The following DACH2 variants were observed in gnomAD, a reference collection of about 807,000 sequenced individuals.
The protein encoded by DACH2 is dachshund homolog 2.
A neutral mutation model predicts 35.8 loss-of-function variants in DACH2; 17 were observed. The observed-to-expected ratio is 0.48, with a 90% CI of 0.33 to 0.71. The LOEUF (loss-of-function observed/expected upper bound fraction) is 0.71, where lower values mean the gene tolerates loss of function less well. Among genes scored for constraint, DACH2 ranks in the 30% least tolerant of loss-of-function variants. The pLI is 0.02. For missense variants in DACH2, 469 were observed against 472.7 expected (o/e 0.99, Z 0.07); for synonymous variants, 195 against 177.3 (o/e 1.10, Z -0.79).
intron 1 of DACH2, among the ~76,000 whole-genome samples, chrX:86,343,525 A>G (rs767020722): frequency 7.3e-4 from 81 of 111,277 alleles, no homozygotes; most frequent in Admixed American, 4.7e-3. Context: ...AGAAATATTT[A>G]CTTTTTAAAG....
chrX:86,566,571 T>C (rs902997390), intron 3 of DACH2, among the ~76,000 whole-genome samples: 4 of 111,711 alleles, frequency 3.6e-5, no homozygotes, highest in Non-Finnish European at 7.6e-5. Flanking sequence ...AGGAGCATCA[T>C]ACATTATACT....
intron 2 of DACH2, among the ~76,000 whole-genome samples, chrX:86,485,577 T>A (rs2038007136): frequency 8.9e-6 from 1 of 111,889 alleles, no homozygotes; most frequent in Non-Finnish European, 1.9e-5. Context: ...TACTCTTATA[T>A]GATCATTACA....
At chrX:86,686,863 A>G (rs1343180887) in intron 4 of DACH2, among the ~76,000 whole-genome samples, 1 of 112,192 alleles carries the variant, frequency 8.9e-6, no homozygotes, top group East Asian at 2.8e-4. Context: ...TTGAAACTCA[A>G]TAATGTGATG....
chrX:86,203,795 T>A (rs749727090), intron 1 of DACH2, among the ~76,000 whole-genome samples: 1 of 111,701 alleles, frequency 9.0e-6, no homozygotes, highest in African/African-American at 3.2e-5. Flanking sequence ...TGAGGATAAA[T>A]ACATTTGTAA....
intron 3 of DACH2, among the ~76,000 whole-genome samples, chrX:86,602,654 T>C (rs750344772): frequency 8.9e-6 from 1 of 112,129 alleles, no homozygotes; most frequent in Non-Finnish European, 1.9e-5. Context: ...CTTTGGTACA[T>C]GTCTGTCGAG....
chrX:86,444,926 T>A (rs1048705950), intron 2 of DACH2, among the ~76,000 whole-genome samples: 4 of 111,325 alleles, frequency 3.6e-5, no homozygotes, highest in African/African-American at 1.3e-4. Context: ...AAAACAAGTT[T>A]AAAAAATAGA....
At chrX:86,766,853 C>A (rs1342646175) in intron 7 of DACH2, among the ~76,000 whole-genome samples, 1 of 109,903 alleles carries the variant, frequency 9.1e-6, no homozygotes, top group African/African-American at 3.3e-5. Context: ...ATTTTTTTTT[C>A]TTTTTCCTAG....
chrX:86,776,820 G>A (rs2042037419), intron 7 of DACH2, among the ~76,000 whole-genome samples: 2 of 111,203 alleles, frequency 1.8e-5, no homozygotes, highest in African/African-American at 6.6e-5. Flanking sequence ...TCCCACCTAT[G>A]AGTGAGAACA....
At chrX:86,186,333 T>A (rs187929719) in intron 1 of DACH2, among the ~76,000 whole-genome samples, 1 of 112,864 alleles carries the variant, frequency 8.9e-6, no homozygotes, top group African/African-American at 3.2e-5. Flanking sequence ...TCAGATCTAC[T>A]TTCATCAGAC....
At chrX:86,335,709 C>A (rs1446210215) in intron 1 of DACH2, among the ~76,000 whole-genome samples, 1 of 111,748 alleles carries the variant, frequency 8.9e-6, no homozygotes, top group Non-Finnish European at 1.9e-5. Flanking sequence ...GACAATTTGA[C>A]TTCCTCTCTT....
At position 86,766,629 on chromosome X, in the gene DACH2, C is replaced by T. The variant is rs139723021; in HGVS notation, c.1240+26747C>T. On this transcript the variant is annotated intron_variant, in intron 7 of 11. Coordinates refer to ENST00000373125, the MANE Select transcript of DACH2 (RefSeq NM_053281.3). ...CACCACATTTATGTTTGATACATTG[C>T]CATTTCATTCTTGCTATTGACTAAG... 3.6e-3 allele frequency among the ~76,000 whole-genome samples: 405 copies of T among 112,089 alleles called. 2 individuals carry two copies. The highest frequency in any genetic ancestry group is 0.013 in the African/African-American group (394 of 30,927).
chrX:86,316,324 G>A (rs961564884), intron 1 of DACH2, among the ~76,000 whole-genome samples: 1 of 109,918 alleles, frequency 9.1e-6, no homozygotes, highest in Admixed American at 9.8e-5. Flanking sequence ...TGTTTTTCCT[G>A]GGGCTCATTG....
At chrX:86,233,900 T>C (rs2033002159) in intron 1 of DACH2, among the ~76,000 whole-genome samples, 1 of 111,781 alleles carries the variant, frequency 8.9e-6, no homozygotes, top group Non-Finnish European at 1.9e-5. Flanking sequence ...CCCCTGTGAC[T>C]CAAATAATCT....
In DACH2 at chrX:86,460,780, A is replaced by T. The variant is rs979927640; in HGVS notation, c.528-53499A>T. On this transcript the variant is annotated intron_variant, in intron 2 of 11. Coordinates refer to ENST00000373125, the MANE Select transcript of DACH2 (RefSeq NM_053281.3). ...CAAGGAAACTTACAAGTGGGACTAG[A>T]ATAGTGTCACAATCTGAAAAACTGT... Among the ~76,000 whole-genome samples, 32 of 111,017 alleles carry T rather than the reference A, an allele frequency of 2.9e-4. 1 individual carries two copies. The highest frequency in any genetic ancestry group is 7.6e-5 in the Non-Finnish European group (4 of 52,712).
At chrX:86,784,704 A>G (rs979024894) in intron 7 of DACH2, among the ~76,000 whole-genome samples, 1 of 112,042 alleles carries the variant, frequency 8.9e-6, no homozygotes, top group Non-Finnish European at 1.9e-5. Context: ...GACTTTCACA[A>G]TAGCAAAGAC....
At chrX:86,533,086 G>T (rs62594995) in intron 3 of DACH2, among the ~76,000 whole-genome samples, 5,386 of 110,337 alleles carry the variant, frequency 0.049, 119 homozygotes, top group Middle Eastern at 0.1. Context: ...GTCTCACTCT[G>T]TTGCCCAGGC....
intron 4 of DACH2, among the ~76,000 whole-genome samples, chrX:86,667,537 GAAAGAAAGAAGAAAGA>G (rs1462308655): frequency 0.011 from 577 of 50,711 alleles, 4 homozygotes; most frequent in Middle Eastern, 0.033. Context: ...AAGAAAGAAA[GAAAGAAAGAAGAAAGA>G]AAGAAAGAAA....
intron 6 of DACH2, among the ~76,000 whole-genome samples, chrX:86,726,215 T>A (rs2041467690): frequency 9.0e-6 from 1 of 111,135 alleles, no homozygotes; most frequent in Admixed American, 9.5e-5. Context: ...ACAGAAGCGG[T>A]AGCAGGGGAG....
chrX:86,497,162 A>G (rs1266739589), intron 2 of DACH2, among the ~76,000 whole-genome samples: 1 of 111,658 alleles, frequency 9.0e-6, no homozygotes, highest in Non-Finnish European at 1.9e-5. Flanking sequence ...AGGTGATTCT[A>G]CTACTAGGAA....
Sources: allele counts gnomAD v4.1 joint callset (sites outside exome capture counted in the v4.1 genomes callset), GRCh38; gene constraint gnomAD v4.1.1; transcripts MANE v1.5; gene names NCBI Gene and HGNC (gene_info 2026-07-23, HGNC 2026-07-21).